The following TRDN variants were observed in gnomAD, a reference collection of about 807,000 sequenced individuals.
TRDN encodes the protein triadin in skeletal muscle.
Under a neutral mutation model 149.7 loss-of-function variants are expected in TRDN, and 161 were observed. The observed-to-expected ratio is 1.08, with a 90% CI of 0.95 to 1.23. The LOEUF (loss-of-function observed/expected upper bound fraction) is 1.23, where lower values mean the gene tolerates loss of function less well. TRDN is among the 50% of genes most tolerant of loss of function. The pLI is 0.00. For synonymous variants in TRDN, 294 were observed against 250.5 expected (o/e 1.17, Z -1.64); for missense variants, 896 against 823.5 (o/e 1.09, Z -1.08).
intron 37 of TRDN, among the ~76,000 whole-genome samples, chr6:123,254,093 A>G (rs1218992539): frequency 6.6e-6 from 1 of 152,100 alleles, no homozygotes; most frequent in Non-Finnish European, 1.5e-5. Context: ...CTAAGAATCA[A>G]GTAAACAATA....
At chr6:123,543,366 A>T (rs963215840) in intron 4 of TRDN, among the ~76,000 whole-genome samples, 2 of 152,166 alleles carry the variant, frequency 1.3e-5, no homozygotes, top group African/African-American at 4.8e-5. Context: ...TGCTTGGCTC[A>T]TAGAAAACAC....
chr6:123,253,823 T>C (rs2114573724), intron 37 of TRDN, among the ~76,000 whole-genome samples: 1 of 152,262 alleles, frequency 6.6e-6, no homozygotes, highest in African/African-American at 2.4e-5. Context: ...ATCATCTCTC[T>C]AGTAGATCAC....
At chr6:123,226,631 C>A (rs57469693) in intron 38 of TRDN, among the ~76,000 whole-genome samples, 1 of 151,780 alleles carries the variant, frequency 6.6e-6, no homozygotes, top group Non-Finnish European at 1.5e-5. Context: ...AAACCTAGGA[C>A]AGTTGCTATA....
chr6:123,622,974 ACT>A (rs1474243821), intron 1 of TRDN, among the ~76,000 whole-genome samples: 1 of 152,098 alleles, frequency 6.6e-6, no homozygotes, highest in Non-Finnish European at 1.5e-5. Context: ...TTTGCAAAGC[ACT>A]CTCTTTCACT....
At chr6:123,326,867 T>A (rs976074552) in intron 23 of TRDN, among the ~76,000 whole-genome samples, 2 of 152,102 alleles carry the variant, frequency 1.3e-5, no homozygotes, top group African/African-American at 4.8e-5. Flanking sequence ...ATCTGCAGAT[T>A]TTTAAAATAT....
intron 13 of TRDN, among the ~76,000 whole-genome samples, chr6:123,392,227 T>A (rs1455158970): frequency 3.9e-5 from 6 of 152,088 alleles, no homozygotes; most frequent in Non-Finnish European, 8.8e-5. Flanking sequence ...CAATGTAGTT[T>A]AAATCTTGAA....
intron 1 of TRDN, among the ~76,000 whole-genome samples, chr6:123,629,311 A>C (rs1021590630): frequency 3.9e-5 from 6 of 152,134 alleles, no homozygotes; most frequent in African/African-American, 1.2e-4. Flanking sequence ...CCACGAGCTC[A>C]CTAATGCCCT....
At chr6:123,503,418 T>A in intron 8 of TRDN, 1 of 985,282 alleles carries the variant, frequency 1.0e-6, no homozygotes. Flanking sequence ...TAATAGACAT[T>A]CCATATCTCA....
chr6:123,482,340 G>A (rs1043463355), intron 9 of TRDN, among the ~76,000 whole-genome samples: 4 of 152,188 alleles, frequency 2.6e-5, no homozygotes, highest in Non-Finnish European at 5.9e-5. Flanking sequence ...TTTGTAGATA[G>A]AGGATAAAAT....
intron 5 of TRDN, among the ~76,000 whole-genome samples, chr6:123,521,686 G>T (rs1421639944): frequency 6.6e-6 from 1 of 151,928 alleles, no homozygotes; most frequent in Non-Finnish European, 1.5e-5. Flanking sequence ...TTCCCACCTG[G>T]TTCCCTGAGG....
At chr6:123,612,902 A>T (rs1784889746) in intron 1 of TRDN, among the ~76,000 whole-genome samples, 1 of 152,170 alleles carries the variant, frequency 6.6e-6, no homozygotes, top group African/African-American at 2.4e-5. Context: ...AACATGAATA[A>T]CACTTGTGTC....
rs377369954 is a variant in TRDN, at chr6:123,436,609, AT to A, written c.1051+1453del. Among the ~76,000 whole-genome samples the A allele has an allele frequency of 1.5e-3, 233 of 151,948 alleles. 3 individuals are homozygous for A. In the South Asian group the frequency reaches 0.023, roughly 15 times the overall value. On this transcript the variant is annotated intron_variant, in intron 12 of 40. Transcript: ENST00000334268. Reference sequence around the variant, plus strand: ...TCTTTTTAGGGTCCTCACCACCATCATTTTTTCCACATACATTATTACTACT... The same window carrying A: ...TCTTTTTAGGGTCCTCACCACCATCATTTTTCCACATACATTATTACTACT...
chr6:123,279,262 T>G (rs1777495280), intron 24 of TRDN, among the ~76,000 whole-genome samples, 180 bp from the exon 25 acceptor site: 1 of 152,144 alleles, frequency 6.6e-6, no homozygotes, highest in Non-Finnish European at 1.5e-5. Context: ...AGTGCAAGAT[T>G]GGCAAACTTT....
At chr6:123,587,848 G>A (rs906859743) in intron 1 of TRDN, among the ~76,000 whole-genome samples, 9 of 152,032 alleles carry the variant, frequency 5.9e-5, no homozygotes, top group Non-Finnish European at 2.9e-5. Flanking sequence ...GCCAGGAGAA[G>A]GAATTTCACA....
intron 4 of TRDN, among the ~76,000 whole-genome samples, chr6:123,540,814 G>C (rs1780797639): frequency 6.6e-6 from 1 of 152,234 alleles, no homozygotes; most frequent in Admixed American, 6.5e-5. Context: ...CACCGCCAAT[G>C]TGAGTTGGAT....
Position 123,260,735 on chromosome 6 carries a change from T to C in TRDN, c.1805-97A>G. On this transcript the variant is annotated intron_variant, in intron 33 of 40. Coordinates refer to ENST00000334268, the MANE Select transcript of TRDN (RefSeq NM_006073.4). ...TTCAGTAGCAAACAATTGAAACTTA[T>C]CTTCTGATATTTCTTCCTAAATTAC... 5.0e-6 allele frequency: 5 copies of C among 995,994 alleles called. No individual in the cohort carries two copies. The South Asian group carries it at 9.2e-5, about 18-fold the overall frequency. The allele number at this position is 995,994 out of a possible 1,614,324, so 61.7% of individuals were successfully genotyped here. A position where few individuals can be genotyped will look rare whatever the true frequency, so the allele number is the denominator to read the frequency against.
At chr6:123,224,153 C>A (rs1775268560) in intron 38 of TRDN, 22 bp from the exon 39 acceptor site, 1 of 1,606,664 alleles carries the variant, frequency 6.2e-7, no homozygotes, top group Non-Finnish European at 8.5e-7. Context: ...AAAAAAGGCA[C>A]ATAGAATCAC....
chr6:123,517,428 A>G (rs1779467150), intron 5 of TRDN, among the ~76,000 whole-genome samples: 2 of 152,108 alleles, frequency 1.3e-5, no homozygotes, highest in Non-Finnish European at 2.9e-5. Context: ...TAACCTTTCT[A>G]ACATGAAAAT....
intron 9 of TRDN, among the ~76,000 whole-genome samples, chr6:123,472,094 G>C (rs918245994): frequency 6.6e-6 from 1 of 152,208 alleles, no homozygotes; most frequent in African/African-American, 2.4e-5. Context: ...TGGCCGAATA[G>C]GAACAGCTCC....
Sources: allele counts gnomAD v4.1 joint callset (sites outside exome capture counted in the v4.1 genomes callset), GRCh38; gene constraint gnomAD v4.1.1; transcripts MANE v1.5; gene names NCBI Gene and HGNC (gene_info 2026-07-23, HGNC 2026-07-21).